SPON1: variants seen among roughly 807,000 people sequenced by gnomAD.
The protein encoded by SPON1 is spondin-1.
SPON1 carries 52 observed loss-of-function variants against 111.7 expected under a neutral mutation model. The ratio of observed to expected loss-of-function variants is 0.47; its 90% CI spans 0.37 to 0.59. The LOEUF (loss-of-function observed/expected upper bound fraction) is 0.59, where lower values mean the gene tolerates loss of function less well. Among genes scored for constraint, SPON1 ranks in the 20% least tolerant of loss-of-function variants. The pLI, the probability that SPON1 is intolerant of heterozygous loss-of-function variation, is 0.00. For synonymous variants in SPON1, 410 were observed against 395.8 expected (o/e 1.04, Z -0.43); for missense variants, 957 against 1,068.5 (o/e 0.90, Z 1.46).
At chr11:14,205,517 C>A (rs1554936099) in intron 6 of SPON1, among the ~76,000 whole-genome samples, 1 of 152,188 alleles carries the variant, frequency 6.6e-6, no homozygotes, top group Non-Finnish European at 1.5e-5. Flanking sequence ...TCTATGTTAA[C>A]AAAGAATATA....
At chr11:14,246,677 C>T (rs889105564) in intron 7 of SPON1, among the ~76,000 whole-genome samples, 1 of 152,054 alleles carries the variant, frequency 6.6e-6, no homozygotes, top group Non-Finnish European at 1.5e-5. Context: ...ATAGGAGGGT[C>T]CCCCCAAAAA....
intron 6 of SPON1, among the ~76,000 whole-genome samples, chr11:14,189,839 T>C (rs540543678): frequency 6.6e-6 from 1 of 152,296 alleles, no homozygotes; most frequent in South Asian, 2.1e-4. Flanking sequence ...TAAAATGTTA[T>C]TAAACTACAT....
intron 2 of SPON1, among the ~76,000 whole-genome samples, chr11:14,032,010 G>T (rs535263547): frequency 6.6e-6 from 1 of 152,106 alleles, no homozygotes; most frequent in African/African-American, 2.4e-5. Context: ...GATCATAATA[G>T]CCCCAAATTA....
intron 4 of SPON1, among the ~76,000 whole-genome samples, chr11:14,078,239 A>T (rs1413975929): frequency 6.6e-6 from 1 of 152,238 alleles, no homozygotes; most frequent in Admixed American, 6.5e-5. Flanking sequence ...TTCCTTTGAA[A>T]ATCCAAAAGG....
intron 6 of SPON1, among the ~76,000 whole-genome samples, chr11:14,185,490 A>G (rs782522437): frequency 2.6e-5 from 4 of 152,370 alleles, no homozygotes; most frequent in East Asian, 1.9e-4. Context: ...TGAAAAAACA[A>G]TGGAAACAGA....
At chr11:14,244,649 G>A (rs1249889338) in intron 7 of SPON1, among the ~76,000 whole-genome samples, 1 of 151,736 alleles carries the variant, frequency 6.6e-6, no homozygotes, top group Non-Finnish European at 1.5e-5. Context: ...TCAGGAGGCT[G>A]AAGTAGGAGC....
At chr11:14,071,753 C>A (rs377697373) in intron 3 of SPON1, among the ~76,000 whole-genome samples, 27 of 152,186 alleles carry the variant, frequency 1.8e-4, no homozygotes, top group African/African-American at 6.0e-4. Context: ...CCTCTGTCAT[C>A]CAGGCTGGAG....
intron 6 of SPON1, among the ~76,000 whole-genome samples, chr11:14,208,713 A>G (rs1440613468): frequency 1.3e-5 from 2 of 152,194 alleles, no homozygotes; most frequent in Non-Finnish European, 2.9e-5. Context: ...CATTGATCAT[A>G]TCATTATTAT....
chr11:14,169,368 G>C (rs534278199), intron 6 of SPON1, among the ~76,000 whole-genome samples: 13 of 151,096 alleles, frequency 8.6e-5, no homozygotes, highest in Admixed American at 8.6e-4. Context: ...TTGTAAATTT[G>C]TTTGAGTTCA....
At chr11:14,073,349 G>A (rs906099525) in intron 3 of SPON1, among the ~76,000 whole-genome samples, 1 of 152,164 alleles carries the variant, frequency 6.6e-6, no homozygotes, top group South Asian at 2.1e-4. Flanking sequence ...GAGGTCAGAC[G>A]TGGAATTTTC....
At chr11:14,250,711 T>C (rs1849044266) in intron 7 of SPON1, among the ~76,000 whole-genome samples, 1 of 152,196 alleles carries the variant, frequency 6.6e-6, no homozygotes, top group South Asian at 2.1e-4. Context: ...AGACATGGCA[T>C]ATACAAAAGC....
chr11:14,090,283 C>T (rs1849039623), intron 5 of SPON1, among the ~76,000 whole-genome samples: 1 of 151,750 alleles, frequency 6.6e-6, no homozygotes, highest in South Asian at 2.1e-4. Context: ...AGCCAGGGCC[C>T]TGGACGTGTA....
intron 2 of SPON1, among the ~76,000 whole-genome samples, chr11:14,025,846 CAG>C (rs1258893623): frequency 6.6e-6 from 1 of 152,168 alleles, no homozygotes; most frequent in East Asian, 1.9e-4. Context: ...AAAGGGGTAA[CAG>C]AGGTGGACCA....
chr11:13,999,861 G>C (rs1161714916), intron 2 of SPON1, among the ~76,000 whole-genome samples: 1 of 152,130 alleles, frequency 6.6e-6, no homozygotes, highest in Admixed American at 6.6e-5. Flanking sequence ...CCCCCAGCTG[G>C]TACCTTATGT....
chr11:14,071,379 A>G (rs1848874536), intron 3 of SPON1, among the ~76,000 whole-genome samples: 1 of 152,004 alleles, frequency 6.6e-6, no homozygotes. Context: ...TCAACTCTGC[A>G]CGCTTTCCCT....
At chr11:14,263,655 T>C (rs1849217450) in intron 15 of SPON1, among the ~76,000 whole-genome samples, 1 of 152,180 alleles carries the variant, frequency 6.6e-6, no homozygotes, top group Non-Finnish European at 1.5e-5. Flanking sequence ...CATCTTACAT[T>C]GACTGGAGTT....
rs73424131 is a variant in SPON1 at position 14,133,349 on chromosome 11, G to A, written c.677-2071G>A. 1.6e-3 allele frequency among the ~76,000 whole-genome samples: 237 copies of A among 152,302 alleles called. 1 individual carries two copies. The highest frequency in any genetic ancestry group is 0.01 in the Middle Eastern group (3 of 294). Reference sequence around the variant, plus strand: ...CTGAAGTCAGGCTCCCTCAAGAAACGTTCAGCCTAGTGAGATAACAGACTG... The same window carrying A: ...CTGAAGTCAGGCTCCCTCAAGAAACATTCAGCCTAGTGAGATAACAGACTG... On this transcript the variant is annotated intron_variant, in intron 5 of 15. Transcript: ENST00000576479.
intron 2 of SPON1, among the ~76,000 whole-genome samples, chr11:13,991,024 C>G (rs1308819251): frequency 2.6e-5 from 4 of 152,042 alleles, no homozygotes; most frequent in African/African-American, 7.2e-5. Flanking sequence ...TCATTTTAAC[C>G]TTGGTGAATC....
intron 6 of SPON1, among the ~76,000 whole-genome samples, chr11:14,202,019 A>G (rs1554935683): frequency 2.6e-5 from 4 of 152,258 alleles, no homozygotes; most frequent in Non-Finnish European, 5.9e-5. Flanking sequence ...GACTTGTTTG[A>G]AAAGATATCA....
Sources: allele counts gnomAD v4.1 joint callset (sites outside exome capture counted in the v4.1 genomes callset), GRCh38; gene constraint gnomAD v4.1.1; transcripts MANE v1.5; gene names NCBI Gene and HGNC (gene_info 2026-07-23, HGNC 2026-07-21).